NCAM1: variants seen among roughly 807,000 people sequenced by gnomAD.
NCAM1 encodes antigen recognized by monoclonal antibody 5.1H11.
Under a neutral mutation model 109.8 loss-of-function variants are expected in NCAM1, and 14 were observed. That is an observed-to-expected ratio of 0.13 (90% CI 0.08 to 0.20). The LOEUF (loss-of-function observed/expected upper bound fraction) is 0.20. NCAM1 is among the 10% of genes least tolerant of loss of function. The pLI, the probability that NCAM1 is intolerant of heterozygous loss-of-function variation, is 1.00. For synonymous variants in NCAM1, 418 were observed against 442.9 expected (o/e 0.94, Z 0.70); for missense variants, 774 against 1,109.9 (o/e 0.70, Z 4.30).
intron 1 of NCAM1, among the ~76,000 whole-genome samples, chr11:113,118,298 T>C (rs1007890119): frequency 6.6e-6 from 1 of 151,970 alleles, no homozygotes; most frequent in South Asian, 2.1e-4. Context: ...CCTGCTTCTG[T>C]TCAGCTGTTC....
At chr11:113,146,855 G>T (rs1177121110) in intron 1 of NCAM1, among the ~76,000 whole-genome samples, 1 of 151,348 alleles carries the variant, frequency 6.6e-6, no homozygotes, top group Non-Finnish European at 1.5e-5. Context: ...ATATGGAAAG[G>T]TTCCTAATAC....
intron 1 of NCAM1, among the ~76,000 whole-genome samples, chr11:113,056,002 T>A (rs1409507392): frequency 2.5e-5 from 3 of 118,964 alleles, no homozygotes; most frequent in South Asian, 2.5e-4. Context: ...TATATATATA[T>A]ATATATATAT....
chr11:113,178,235 G>A (rs1943228425), intron 1 of NCAM1, among the ~76,000 whole-genome samples: 1 of 152,150 alleles, frequency 6.6e-6, no homozygotes, highest in Non-Finnish European at 1.5e-5. Context: ...AGAGAGGCAG[G>A]GAGACAGAAA....
chr11:113,007,071 G>A (rs1951909927), intron 1 of NCAM1, among the ~76,000 whole-genome samples: 1 of 152,190 alleles, frequency 6.6e-6, no homozygotes, highest in Non-Finnish European at 1.5e-5. Flanking sequence ...TCTCCCTTCA[G>A]TCACAGATAG....
intron 17 of NCAM1, among the ~76,000 whole-genome samples, chr11:113,266,744 A>G (rs1946140771): frequency 6.6e-6 from 1 of 152,226 alleles, no homozygotes; most frequent in East Asian, 1.9e-4. Flanking sequence ...GCAAAAATAA[A>G]ATCACAAGGA....
At chr11:112,976,736 G>T (rs1951017308) in intron 1 of NCAM1, among the ~76,000 whole-genome samples, 1 of 151,872 alleles carries the variant, frequency 6.6e-6, no homozygotes, top group Non-Finnish European at 1.5e-5. Flanking sequence ...GACCATGATA[G>T]GTATTGATCT....
intron 1 of NCAM1, among the ~76,000 whole-genome samples, chr11:113,029,634 AT>A (rs1555078006): frequency 1.3e-5 from 2 of 152,198 alleles, no homozygotes; most frequent in African/African-American, 4.8e-5. Context: ...AGAAATATCC[AT>A]TTAAATAAAG....
Position 113,198,147 on chromosome 11 carries a change from C to CT in NCAM1, c.53-4225dup, listed in dbSNP as rs1300280798. Among the ~76,000 whole-genome samples, 5 of 152,230 alleles carry CT rather than the reference C, an allele frequency of 3.3e-5. No homozygotes were observed. The East Asian group carries it at 7.7e-4, about 24-fold the overall frequency. On this transcript the variant is annotated intron_variant, in intron 1 of 19. Coordinates refer to ENST00000316851, the MANE Select transcript of NCAM1 (RefSeq NM_181351.5). ...ATTGTTTGGTTCTCAAAAGACAGAA[C>CT]TTTTTTTCTGTCTGTGAACAAGGGA...
intron 1 of NCAM1, among the ~76,000 whole-genome samples, chr11:113,147,282 T>C (rs56156006): frequency 6.2e-4 from 94 of 152,380 alleles, no homozygotes; most frequent in African/African-American, 2.2e-3. Flanking sequence ...AACTGCGCGA[T>C]AGATTTTTAA....
At chr11:113,254,461 C>T (rs1316392639) in intron 15 of NCAM1, among the ~76,000 whole-genome samples, 1 of 152,212 alleles carries the variant, frequency 6.6e-6, no homozygotes, top group South Asian at 2.1e-4. Flanking sequence ...CTGGAAGGAT[C>T]TTGTTACAGG....
At chr11:113,078,698 G>A (rs909625312) in intron 1 of NCAM1, among the ~76,000 whole-genome samples, 6 of 152,072 alleles carry the variant, frequency 3.9e-5, no homozygotes, top group Non-Finnish European at 8.8e-5. Flanking sequence ...ATCCCATGTG[G>A]CTGTTCTATA....
In NCAM1 at chr11:113,022,172, A is replaced by C. The variant is rs548700251; in HGVS notation, c.52+60508A>C. ...AACAGGCCTCTGACTTACTTCGCTTAAGATAATGCACTCAATACAAACACC... is the reference window on the plus strand; with the variant it reads ...AACAGGCCTCTGACTTACTTCGCTTCAGATAATGCACTCAATACAAACACC... On this transcript the variant is annotated intron_variant, in intron 1 of 19. Coordinates refer to ENST00000316851, the MANE Select transcript of NCAM1 (RefSeq NM_181351.5). 2.0e-5 allele frequency among the ~76,000 whole-genome samples: 3 copies of C among 152,340 alleles called. No homozygotes were observed. In the East Asian group the frequency reaches 5.8e-4, roughly 29 times the overall value.
rs75413898 is a variant in NCAM1 at position 113,160,070 on chromosome 11, A to G, written c.53-42309A>G. On this transcript the variant is annotated intron_variant, in intron 1 of 19. Transcript: ENST00000316851. ...GGTTTCACGTGTACCTGCTAATACC[A>G]TGTAGACAGAACCATGTGTGCCCCA... Among the ~76,000 whole-genome samples, 842 of 152,170 alleles carry G rather than the reference A, an allele frequency of 5.5e-3. 6 individuals carry two copies. Among genetic ancestry groups the G allele is most frequent in the African/African-American group, 0.019 (794 of 41,498 alleles).
intron 9 of NCAM1, among the ~76,000 whole-genome samples, chr11:113,224,831 G>A (rs1420190806): frequency 6.6e-6 from 1 of 152,244 alleles, no homozygotes; most frequent in South Asian, 2.1e-4. Context: ...AGGGTCTGGA[G>A]TTGAGCTCTG....
intron 18 of NCAM1, among the ~76,000 whole-genome samples, chr11:113,271,019 G>A (rs1347925728): frequency 6.6e-6 from 1 of 152,134 alleles, no homozygotes; most frequent in African/African-American, 2.4e-5. Context: ...AAGGAAATAA[G>A]TTGTTTAGCA....
At chr11:112,978,790 C>T (rs1171070041) in intron 1 of NCAM1, among the ~76,000 whole-genome samples, 3 of 151,774 alleles carry the variant, frequency 2.0e-5, no homozygotes, top group East Asian at 1.9e-4. Flanking sequence ...GGGGAAAATA[C>T]GCCATTGTCT....
At chr11:113,003,561 A>G (rs932934026) in intron 1 of NCAM1, among the ~76,000 whole-genome samples, 1 of 152,126 alleles carries the variant, frequency 6.6e-6, no homozygotes, top group Non-Finnish European at 1.5e-5. Flanking sequence ...GCTTGTTCAG[A>G]TTTATCTTAT....
intron 1 of NCAM1, among the ~76,000 whole-genome samples, chr11:113,119,155 G>T (rs1210994408): frequency 6.7e-6 from 1 of 150,356 alleles, no homozygotes; most frequent in Admixed American, 6.6e-5. Context: ...CAGGAAGGGA[G>T]AGAAAGACGC....
At chr11:113,260,544 T>G (rs948287999) in intron 17 of NCAM1, among the ~76,000 whole-genome samples, 4 of 152,108 alleles carry the variant, frequency 2.6e-5, no homozygotes. Flanking sequence ...GGAGAAAAGG[T>G]CCTGTCCCAT....
Sources: gnomAD v4.1 joint callset for allele counts (sites outside exome capture counted in the v4.1 genomes callset) on GRCh38, gnomAD v4.1.1 for gene constraint, MANE v1.5 for transcripts, NCBI Gene and HGNC (gene_info 2026-07-23, HGNC 2026-07-21) for gene names.